Variants in COL4A5 observed in about 807,000 individuals in gnomAD.
COL4A5 encodes collagen type IV alpha 5 chain.
In COL4A5, 26 loss-of-function variants were observed where a neutral mutation model predicts 130.2. The ratio of observed to expected loss-of-function variants is 0.20; its 90% confidence interval spans 0.15 to 0.28. The LOEUF is 0.28. Ranked by LOEUF, COL4A5 falls within the 10% of genes least tolerant of loss-of-function variation. COL4A5 has a pLI of 1.00. For synonymous variants in COL4A5, 496 were observed against 439.6 expected (o/e 1.13, Z -1.60); for missense variants, 1,131 against 1,344.3 (o/e 0.84, Z 2.48).
At chrX:108,622,638 A>C in intron 32 of COL4A5, 38 bp from the exon 33 acceptor site, 1 of 1,196,996 alleles carries the variant, frequency 8.4e-7, no homozygotes, top group Non-Finnish European at 1.1e-6. Context: ...TTGATGGATA[A>C]AATTGATATA....
At chrX:108,656,520 TTAG>T (rs1176135306) in intron 37 of COL4A5, among the ~76,000 whole-genome samples, 2 of 111,878 alleles carry the variant, frequency 1.8e-5, no homozygotes. Context: ...AGACAAAAAC[TTAG>T]TAGTAGAAAT....
At chrX:108,658,149 G>C (rs1322811815) in intron 37 of COL4A5, among the ~76,000 whole-genome samples, 1 of 110,635 alleles carries the variant, frequency 9.0e-6, no homozygotes, top group Non-Finnish European at 1.9e-5. Context: ...TACTATAATG[G>C]GAATTTTTAT....
chrX:108,549,440 T>C (rs1177552383), intron 2 of COL4A5, among the ~76,000 whole-genome samples: 1 of 111,987 alleles, frequency 8.9e-6, no homozygotes, highest in Non-Finnish European at 1.9e-5. Context: ...AAATAAATAA[T>C]AATATTTGTA....
rs746945988 is a variant in COL4A5 at position 108,621,872 on chromosome X, G to A, written c.2747G>A (p.Ser916Asn). The change falls in exon 32 of 53, where the codon AGT becomes AAT. Residue 916 changes from serine to asparagine, a missense_variant. By Grantham distance (46) the Ser-to-Asn change is conservative (BLOSUM62 1). Transcript: ENST00000328300. The part of the protein sequence containing the change: ...PPGPLGIPGR[S>N]GVPGLKGDDG... ...GGACCTTTGGGAATTCCTGGCAGGA[G>A]TGGTGTACCTGGTCTTAAAGGTAAT... 12 of 1,203,985 alleles carry A rather than the reference G, an allele frequency of 1.0e-5. No homozygotes were observed. In the Admixed American group the frequency reaches 2.6e-4, roughly 26 times the overall value.
intron 9 of COL4A5, among the ~76,000 whole-genome samples, chrX:108,574,601 T>C (rs1453535071): frequency 8.9e-6 from 1 of 111,885 alleles, no homozygotes; most frequent in Non-Finnish European, 1.9e-5. Flanking sequence ...CAATAGAATA[T>C]TTAGCTTTGC....
intron 47 of COL4A5, among the ~76,000 whole-genome samples, chrX:108,685,674 C>T (rs1195134442): frequency 3.6e-5 from 4 of 111,963 alleles, no homozygotes; most frequent in Non-Finnish European, 7.5e-5. Flanking sequence ...GAACTAACTT[C>T]AGTCTTTTGC....
chrX:108,440,113 G>C lies in COL4A5; in HGVS notation c.-13G>C. ...CGTGCGGGTGCTGAAGGAGCTGCGG[G>C]AGCCGGAGAAGAATGAAACTGCGTG... On this transcript the variant is annotated 5_prime_UTR_variant, in exon 1 of 53. Coordinates refer to ENST00000328300, the MANE Select transcript of COL4A5 (RefSeq NM_033380.3). 8.3e-7 allele frequency: 1 copy of C among 1,200,520 alleles called. No homozygotes were observed. Among genetic ancestry groups the C allele is most frequent in the South Asian group, 1.8e-5 (1 of 56,271 alleles).
chrX:108,670,901 G>A (rs2068190939), intron 42 of COL4A5, among the ~76,000 whole-genome samples: 1 of 110,889 alleles, frequency 9.0e-6, no homozygotes, highest in African/African-American at 3.3e-5. Flanking sequence ...AATTATCCAG[G>A]CGTGTTGGTG....
At chrX:108,513,021 T>C (rs180810568) in intron 1 of COL4A5, among the ~76,000 whole-genome samples, 2 of 111,761 alleles carry the variant, frequency 1.8e-5, no homozygotes, top group Non-Finnish European at 3.8e-5. Flanking sequence ...GAAGATTTAT[T>C]ATCATAATGA....
intron 42 of COL4A5, among the ~76,000 whole-genome samples, chrX:108,671,073 G>A (rs752856156): frequency 1.1e-4 from 12 of 110,817 alleles, no homozygotes; most frequent in African/African-American, 3.6e-4. Flanking sequence ...CACAGATTAC[G>A]AGGTTCTTAA....
At chrX:108,565,539 G>A (rs139184556) in intron 4 of COL4A5, among the ~76,000 whole-genome samples, 1,419 of 111,919 alleles carry the variant, frequency 0.013, 16 homozygotes, top group Middle Eastern at 0.023. Flanking sequence ...TAGTTTTTCA[G>A]TACTCTGACG....
In COL4A5 at chrX:108,525,300, A is replaced by T. The variant is rs774124666; in HGVS notation, c.82-14446A>T. Among the ~76,000 whole-genome samples the T allele has an allele frequency of 2.7e-5, 3 of 111,733 alleles. No homozygotes were observed. The East Asian group carries it at 8.4e-4, about 31-fold the overall frequency. On this transcript the variant is annotated intron_variant, in intron 1 of 52. Coordinates refer to ENST00000328300, the MANE Select transcript of COL4A5 (RefSeq NM_033380.3). The stretch of plus-strand genomic sequence containing the variant: ...AGAATATATTTTATCTGTTATTAGC[A>T]CATCTACTCTAGCTTCCTTAAGGTT...
intron 36 of COL4A5, among the ~76,000 whole-genome samples, chrX:108,629,084 G>A (rs897654951): frequency 1.8e-5 from 2 of 111,792 alleles, no homozygotes; most frequent in Non-Finnish European, 3.8e-5. Context: ...TGCAGTAAGA[G>A]AGTAAGTCAT....
rs763428268 is a variant in COL4A5 at position 108,620,310 on chromosome X, A to G, written c.2561A>G (p.Asp854Gly). The change falls in exon 31 of 53, where the codon GAT becomes GGT. Residue 854 changes from aspartate (D) to glycine (G), a missense_variant. By Grantham distance (94) the Asp-to-Gly change is moderately conservative (BLOSUM62 -1). Transcript: ENST00000328300. ...GGGGATCCAGGACCTCCTGGACTTG[A>G]TGTTCCAGGACCCCCAGGTGAAAGA... The part of the protein sequence containing the change: ...EKGDPGPPGL[D>G]VPGPPGERGS... 3 of 1,208,469 alleles carry G rather than the reference A, an allele frequency of 2.5e-6. No homozygotes were observed. The highest frequency in any genetic ancestry group is 1.1e-6 in the Non-Finnish European group (1 of 893,024).
At chrX:108,614,528 T>C (rs966436362) in intron 29 of COL4A5, among the ~76,000 whole-genome samples, 1 of 111,760 alleles carries the variant, frequency 8.9e-6, no homozygotes, top group Non-Finnish European at 1.9e-5. Context: ...TTGAACATGT[T>C]TATAAGCCAT....
At chrX:108,517,000 A>G (rs999508176) in intron 1 of COL4A5, among the ~76,000 whole-genome samples, 2 of 111,670 alleles carry the variant, frequency 1.8e-5, no homozygotes, top group African/African-American at 6.5e-5. Flanking sequence ...GAGCATTATT[A>G]CTGAGAGGAC....
rs184873624 is a variant in COL4A5 at position 108,499,731 on chromosome X, A to G, written c.82-40015A>G. Among the ~76,000 whole-genome samples the G allele has an allele frequency of 6.3e-3, 710 of 111,840 alleles. 3 individuals carry two copies. The highest frequency in any genetic ancestry group is 0.015 in the Admixed American group (153 of 10,493). On this transcript the variant is annotated intron_variant, in intron 1 of 52. Coordinates refer to ENST00000328300, the MANE Select transcript of COL4A5 (RefSeq NM_033380.3). ...TTACATAATACTCATTTGAATAAAT[A>G]TACTGTAATATATGTAACTAGTCCC...
At chrX:108,571,915 C>G (rs1341409707) in intron 8 of COL4A5, 78 bp downstream of exon 8, 25 of 775,298 alleles carry the variant, frequency 3.2e-5, no homozygotes, top group Non-Finnish European at 4.8e-5. Flanking sequence ...GATAATGACT[C>G]AAACTTCTGT....
intron 30 of COL4A5, among the ~76,000 whole-genome samples, chrX:108,616,676 A>G (rs756083570): frequency 1.2e-3 from 130 of 111,592 alleles, no homozygotes; most frequent in Non-Finnish European, 1.9e-3. Flanking sequence ...AAAAAAAGGA[A>G]CACCATTAAT....
Sources: gnomAD v4.1 joint callset for allele counts (sites outside exome capture counted in the v4.1 genomes callset) on GRCh38, gnomAD v4.1.1 for gene constraint, MANE v1.5 for transcripts, NCBI Gene and HGNC (gene_info 2026-07-23, HGNC 2026-07-21) for gene names.